Variants in NKIRAS1 observed in about 807,000 individuals in gnomAD.
The protein encoded by NKIRAS1 is NF-kappa-B inhibitor-interacting Ras-like protein 1.
In NKIRAS1, 16 loss-of-function variants were observed where a neutral mutation model predicts 19.8. The observed-to-expected ratio is 0.81, with a 90% confidence interval of 0.55 to 1.23. The LOEUF is 1.23. Ranked by LOEUF, NKIRAS1 falls within the 50% of genes most tolerant of loss-of-function variation. The pLI is 0.00. For missense variants in NKIRAS1, 184 were observed against 220.0 expected (o/e 0.84, Z 1.04); for synonymous variants, 88 against 79.0 (o/e 1.11, Z -0.61).
chr3:23,908,377 C>G (rs183558126), intron 3 of NKIRAS1, among the ~76,000 whole-genome samples: 7 of 152,256 alleles, frequency 4.6e-5, no homozygotes, highest in Non-Finnish European at 2.9e-5. Flanking sequence ...CCCATAATTA[C>G]CTGAAAAGGC....
chr3:23,918,176 G>C, upstream of NKIRAS1: 1 of 1,069,202 alleles, frequency 9.4e-7, no homozygotes, highest in South Asian at 1.7e-5. Flanking sequence ...GTCAGTTACT[G>C]TATGCACTGT....
chr3:23,923,121 C>T (rs1162522572), intron 1 of NKIRAS1: 1 of 151,914 alleles, frequency 6.6e-6, no homozygotes, highest in African/African-American at 2.4e-5. Flanking sequence ...GTATTTTTTC[C>T]TTTTCTTCCC....
intron 1 of NKIRAS1, chr3:23,945,449 G>A: frequency 2.7e-6 from 1 of 365,016 alleles, no homozygotes; most frequent in Non-Finnish European, 4.0e-6. Context: ...AGCCCCGCCC[G>A]CTCTGCCCAT....
upstream of NKIRAS1, chr3:23,920,190 T>G (rs1371663606): frequency 1.0e-6 from 1 of 985,750 alleles, no homozygotes; most frequent in East Asian, 1.1e-4. Context: ...CTTTCAAGTG[T>G]GAGCTTAGAC....
intron 4 of NKIRAS1, 87 bp downstream of exon 4, chr3:23,900,721 G>T (rs1702446829): frequency 1.4e-5 from 13 of 957,768 alleles, no homozygotes; most frequent in Middle Eastern, 5.5e-4. Flanking sequence ...ATACTGTAAT[G>T]ATCTGAAAAT....
chr3:23,911,205 C>A lies in NKIRAS1; in HGVS notation c.-18+124G>T, dbSNP rs569986649. ...ACAGTGGCTCATGCCTGCAATCCTA[C>A]CACTTTGGGAGTCCAAGGCGGGTGG... On this transcript the variant is annotated intron_variant, in intron 2 of 4. Coordinates refer to ENST00000425478, the MANE Select transcript of NKIRAS1 (RefSeq NM_020345.4). 409 of 262,736 alleles carry A rather than the reference C, an allele frequency of 1.6e-3. 1 individual carries two copies. Among genetic ancestry groups the A allele is most frequent in the Admixed American group, 1.8e-3 (37 of 20,530 alleles). The allele number at this position is 262,736 out of a possible 1,614,324, so 16.3% of individuals were successfully genotyped here.
chr3:23,909,639 C>A (rs1298150910), intron 3 of NKIRAS1, among the ~76,000 whole-genome samples: 1 of 152,142 alleles, frequency 6.6e-6, no homozygotes, highest in Non-Finnish European at 1.5e-5. Flanking sequence ...ATCTATCTTC[C>A]TTACTAAGCC....
chr3:23,929,398 T>C (rs1705267399), intron 1 of NKIRAS1, among the ~76,000 whole-genome samples: 1 of 151,972 alleles, frequency 6.6e-6, no homozygotes, highest in Non-Finnish European at 1.5e-5. Flanking sequence ...ATAAAAACCA[T>C]GTTTTGGACT....
chr3:23,903,474 T>C (rs938717982), intron 3 of NKIRAS1, among the ~76,000 whole-genome samples: 5 of 151,590 alleles, frequency 3.3e-5, no homozygotes, highest in East Asian at 1.9e-4. Flanking sequence ...CTGAAGAAAA[T>C]AGAGACCAAC....
chr3:23,939,478 C>T (rs1255857087), intron 1 of NKIRAS1, among the ~76,000 whole-genome samples: 2 of 152,178 alleles, frequency 1.3e-5, no homozygotes, highest in Non-Finnish European at 2.9e-5. Flanking sequence ...AACGGTGGCT[C>T]ATGACTTGTA....
intron 3 of NKIRAS1, among the ~76,000 whole-genome samples, chr3:23,909,523 T>C (rs1052363100): frequency 6.6e-6 from 1 of 152,106 alleles, no homozygotes; most frequent in Non-Finnish European, 1.5e-5. Context: ...TGAGACTCCA[T>C]CTCAGAAAAA....
rs1435045933 is a variant in NKIRAS1 at position 23,892,342 on chromosome 3, T to TA, written c.*752dup. On this transcript the variant is annotated 3_prime_UTR_variant, in exon 5 of 5. Transcript: ENST00000425478. Reference sequence around the variant, plus strand: ...TTTTCTAGAAAACTATTCCAGAAGATACAGTCTTCCTTCCAGAAAATACAG... The same window carrying TA: ...TTTTCTAGAAAACTATTCCAGAAGATAACAGTCTTCCTTCCAGAAAATACAG... 6.6e-6 allele frequency: 1 copy of TA among 152,206 alleles called. No individual in the cohort carries two copies. The highest frequency in any genetic ancestry group is 1.5e-5 in the Non-Finnish European group (1 of 68,038). 9.4% of individuals were successfully genotyped at this position (152,206 alleles called of 1,614,324 possible).
chr3:23,928,556 C>T (rs1225741934), intron 1 of NKIRAS1, among the ~76,000 whole-genome samples: 1 of 151,604 alleles, frequency 6.6e-6, no homozygotes, highest in African/African-American at 2.4e-5. Flanking sequence ...CAGATAATGC[C>T]ATATGTGGAA....
At chr3:23,904,994 T>C (rs985697463) in intron 3 of NKIRAS1, among the ~76,000 whole-genome samples, 1 of 152,084 alleles carries the variant, frequency 6.6e-6, no homozygotes, top group Admixed American at 6.6e-5. Flanking sequence ...GATGAATCTT[T>C]TATTTTTTTT....
At position 23,945,011 on chromosome 3, in the gene NKIRAS1, G is replaced by A. The variant is rs922883894; in HGVS notation, c.-140+1312C>T. 4.6e-5 allele frequency among the ~76,000 whole-genome samples: 7 copies of A among 152,138 alleles called. No individual in the cohort carries two copies. In the East Asian group the frequency reaches 1.4e-3, roughly 29 times the overall value. On this transcript the variant is annotated intron_variant, in intron 1 of 4. Transcript: ENST00000421515. ...CCAGAGGCGGGAAAGGCAGCCGGGAGGAGAGGAAAGAGGAGGAGGAGGGGA... is the reference window on the plus strand; with the variant it reads ...CCAGAGGCGGGAAAGGCAGCCGGGAAGAGAGGAAAGAGGAGGAGGAGGGGA...
intron 3 of NKIRAS1, among the ~76,000 whole-genome samples, chr3:23,905,965 C>G (rs1703002487): frequency 6.6e-6 from 1 of 151,942 alleles, no homozygotes; most frequent in African/African-American, 2.4e-5. Flanking sequence ...TCAAGACCAG[C>G]TGGAGCAACA....
rs80133277 is a variant in NKIRAS1, at chr3:23,914,502, T to C, written c.-140+2282A>G. On this transcript the variant is annotated intron_variant, in intron 1 of 4. Coordinates refer to ENST00000425478, the MANE Select transcript of NKIRAS1 (RefSeq NM_020345.4). ...ATACTTTCACTTATCCATATATGAATATATTTACATACATAAAAATATATT... is the reference window on the plus strand; with the variant it reads ...ATACTTTCACTTATCCATATATGAACATATTTACATACATAAAAATATATT... 2.9e-4 allele frequency among the ~76,000 whole-genome samples: 44 copies of C among 152,376 alleles called. No homozygotes were observed. In the East Asian group the frequency reaches 8.3e-3, roughly 29 times the overall value.
intron 4 of NKIRAS1, among the ~76,000 whole-genome samples, chr3:23,895,298 T>G (rs1209444520): frequency 6.6e-6 from 1 of 152,136 alleles, no homozygotes; most frequent in Non-Finnish European, 1.5e-5. Context: ...AGGCGTGAAC[T>G]ACCACATCCA....
chr3:23,905,888 GT>G (rs1261305332), intron 3 of NKIRAS1, among the ~76,000 whole-genome samples: 1 of 152,070 alleles, frequency 6.6e-6, no homozygotes, highest in Non-Finnish European at 1.5e-5. Flanking sequence ...GCCGGGTGCA[GT>G]GGCTCATGCC....
Sources: gnomAD v4.1 joint callset for allele counts (sites outside exome capture counted in the v4.1 genomes callset) on GRCh38, gnomAD v4.1.1 for gene constraint, MANE v1.5 for transcripts, NCBI Gene and HGNC (gene_info 2026-07-23, HGNC 2026-07-21) for gene names.